TRIM42: variants seen among roughly 807,000 people sequenced by gnomAD.
TRIM42 encodes tripartite motif containing 42, also known as tripartite motif-containing protein 42.
TRIM42 carries 59 observed loss-of-function variants against 64.9 expected under a neutral mutation model. The ratio of observed to expected loss-of-function variants is 0.91; its 90% CI spans 0.74 to 1.13. The LOEUF (loss-of-function observed/expected upper bound fraction) is 1.13, where lower values mean the gene tolerates loss of function less well. TRIM42 is among the 50% of genes most tolerant of loss of function. TRIM42 has a pLI of 0.00. For synonymous variants in TRIM42, 354 were observed against 346.3 expected, an observed-to-expected ratio of 1.02 and a Z score of -0.25; for missense variants, 878 against 929.5, an observed-to-expected ratio of 0.94 and a Z score of 0.72.
In TRIM42 at chr3:140,688,175, G is replaced by A. The variant is rs747851912; in HGVS notation, c.1493G>A (p.Arg498His). 4.3e-5 allele frequency: 69 copies of A among 1,614,114 alleles called. No homozygotes were observed. The East Asian group carries it at 4.5e-4, about 10-fold the overall frequency. The change falls in exon 3 of 5, where the codon CGC (arginine) becomes CAC (histidine). Residue 498 changes from arginine to histidine, a missense_variant. Arg to His is a conservative substitution (Grantham distance 29, BLOSUM62 0). Transcript: ENST00000286349. The part of the protein sequence containing the change: ...ELFPTGPKKV[R>H]SSGDSLPSPY... ...TTCCCCACAGGGCCCAAGAAGGTAC[G>A]CTCCTCAGGGGACTCCCTGCCCTCC...
In TRIM42 at chr3:140,687,921, G is replaced by C; in HGVS notation, c.1239G>C (p.Val413=). Residue 413 remains valine (V), a synonymous_variant, in exon 3 of 5, where the codon GTG becomes GTC. Transcript: ENST00000286349. ...GGCAGAAGGAAATTGAAAAATATGT[G>C]TATGTTACAACCATGAAAGTGAACG... The part of the protein sequence containing the change: ...VSRQKEIEKY[V]YVTTMKVNEM... 6.2e-7 allele frequency: 1 copy of C among 1,614,182 alleles called. No homozygotes were observed. Among genetic ancestry groups the C allele is most frequent in the Non-Finnish European group, 8.5e-7 (1 of 1,180,032 alleles).
At chr3:140,693,212 C>T (rs1988766803) in intron 4 of TRIM42, among the ~76,000 whole-genome samples, 1 of 152,172 alleles carries the variant, frequency 6.6e-6, no homozygotes, top group South Asian at 2.1e-4. Flanking sequence ...CGTAAGATGC[C>T]TGAAAGCTGT....
At chr3:140,699,312 G>T (rs946565210) in intron 4 of TRIM42, among the ~76,000 whole-genome samples, 11 of 151,996 alleles carry the variant, frequency 7.2e-5, no homozygotes, top group African/African-American at 2.7e-4. Flanking sequence ...TTTTTATCTG[G>T]TTCTGGAATC....
rs1057159951 is a variant in TRIM42 at position 140,688,454 on chromosome 3, A to G, written c.1772A>G (p.His591Arg). The G allele has an allele frequency of 1.9e-6, 3 of 1,614,240 alleles. No individual in the cohort carries two copies. Among genetic ancestry groups the G allele is most frequent in the Non-Finnish European group, 2.5e-6 (3 of 1,180,040 alleles). Residue 591 changes from histidine to arginine, a missense_variant, in exon 3 of 5, where the codon CAC (histidine) becomes CGC (arginine). Transcript: ENST00000286349. ...TCTGTACAGAACAGCAGCAGCTTCC[A>G]CAACTGGTACTCATTCAACGATGGC... ...SQSVQNSSSF[H>R]NWYSFNDGSV...
rs370816772 is a variant in TRIM42, at chr3:140,679,237, T to C, written c.341+667T>C. Among the ~76,000 whole-genome samples, 159 of 152,290 alleles carry C rather than the reference T, an allele frequency of 1.0e-3. No individual in the cohort carries two copies. The South Asian group carries it at 0.031, about 29-fold the overall frequency. On this transcript the variant is annotated intron_variant, in intron 1 of 4. Transcript: ENST00000286349. ...GCGGACCATATAAATACCCCATACATCCATGAACTCCTACTACCTTCTTTT... is the reference window on the plus strand; with the variant it reads ...GCGGACCATATAAATACCCCATACACCCATGAACTCCTACTACCTTCTTTT...
rs1988694141 is a variant in TRIM42, at chr3:140,690,963, C to G, written c.1861-5C>G. The G allele has an allele frequency of 6.2e-7, 1 of 1,609,184 alleles. No homozygotes were observed. The highest frequency in any genetic ancestry group is 8.5e-7 in the Non-Finnish European group (1 of 1,175,622). ...ACCACACCAGTATGTTCATTTCTTCCATAGGTTTACTGGACATGTCCAGCA... is the reference window on the plus strand; with the variant it reads ...ACCACACCAGTATGTTCATTTCTTCGATAGGTTTACTGGACATGTCCAGCA... On this transcript the variant is annotated splice_polypyrimidine_tract_variant and splice_region_variant and intron_variant, in intron 3 of 4. Transcript: ENST00000286349.
At chr3:140,696,290 ACTTTGTTTCTTAC>A (rs534470111) in intron 4 of TRIM42, among the ~76,000 whole-genome samples, 87 of 152,074 alleles carry the variant, frequency 5.7e-4, no homozygotes, top group East Asian at 7.7e-4. Context: ...TACATATCTT[ACTTTGTTTCTTAC>A]CTTTTTTTCT....
intron 4 of TRIM42, among the ~76,000 whole-genome samples, chr3:140,695,160 C>A (rs914299551): frequency 5.9e-5 from 9 of 152,026 alleles, no homozygotes; most frequent in East Asian, 5.8e-4. Flanking sequence ...AGGCACGAGA[C>A]TCGCTTAAGT....
At chr3:140,684,078 C>G (rs1326715781) in intron 2 of TRIM42, among the ~76,000 whole-genome samples, 12 of 152,152 alleles carry the variant, frequency 7.9e-5, no homozygotes. Context: ...CCTTTACCCC[C>G]AGGAATAGTT....
intron 3 of TRIM42, among the ~76,000 whole-genome samples, chr3:140,690,526 T>G (rs1988676308): frequency 9.2e-6 from 1 of 108,728 alleles, no homozygotes; most frequent in Non-Finnish European, 1.7e-5. Flanking sequence ...AATCCAAGTT[T>G]TTATGTATAT....
chr3:140,680,774 G>A, intron 1 of TRIM42: 13 of 902,638 alleles, frequency 1.4e-5, no homozygotes, highest in Non-Finnish European at 1.7e-5. Context: ...AATTTTCCAG[G>A]TGCCTTAATA....
At chr3:140,681,088 T>C (rs1403695962) in intron 1 of TRIM42, among the ~76,000 whole-genome samples, 1 of 152,240 alleles carries the variant, frequency 6.6e-6, no homozygotes, top group African/African-American at 2.4e-5. Flanking sequence ...TTTAAGTTCT[T>C]AGAACAGGTA....
chr3:140,701,122 T>G lies in TRIM42; in HGVS notation c.*148T>G, dbSNP rs1276073831. ...CCTCTCAGCTTTCCAACAGGAATCTTGTAAGAGCTAATAAAAGGAAATACC... is the reference window on the plus strand; with the variant it reads ...CCTCTCAGCTTTCCAACAGGAATCTGGTAAGAGCTAATAAAAGGAAATACC... On this transcript the variant is annotated 3_prime_UTR_variant, in exon 5 of 5. Transcript: ENST00000286349. 6.4e-6 allele frequency: 4 copies of G among 625,128 alleles called. No homozygotes were observed. The highest frequency in any genetic ancestry group is 1.1e-5 in the Non-Finnish European group (4 of 371,140). 38.7% of individuals were successfully genotyped at this position (625,128 alleles called of 1,614,324 possible).
chr3:140,687,803 A>G lies in TRIM42; in HGVS notation c.1121A>G (p.Lys374Arg). The G allele has an allele frequency of 6.2e-7, 1 of 1,614,258 alleles. No individual in the cohort carries two copies. Among genetic ancestry groups the G allele is most frequent in the Non-Finnish European group, 8.5e-7 (1 of 1,180,048 alleles). The part of the protein sequence containing the change: ...SFKADKEAKR[K>R]EIRNGFLKLR... ...AAAGCTGACAAGGAGGCAAAGCGAA[A>G]AGAGATCAGAAATGGCTTTCTCAAG... Residue 374 changes from lysine to arginine, a missense_variant, in exon 3 of 5, where the codon AAA (lysine) becomes AGA (arginine). Transcript: ENST00000286349.
Position 140,687,882 on chromosome 3 carries a change from T to A in TRIM42, c.1200T>A (p.Asn400Lys). ...AGATCATCATGGAGCAGATAGAGAA[T>A]CTAGAAGTGTCCAGGCAGAAGGAAA... ...KEKIIMEQIE[N>K]LEVSRQKEIE... The change falls in exon 3 of 5, where the codon AAT becomes AAA. Residue 400 changes from asparagine (N) to lysine (K), a missense_variant. Asn to Lys is a moderately conservative substitution (Grantham distance 94, BLOSUM62 0). Coordinates refer to ENST00000286349, the MANE Select transcript of TRIM42 (RefSeq NM_152616.5). 6.2e-7 allele frequency: 1 copy of A among 1,614,192 alleles called. No individual in the cohort carries two copies. Among genetic ancestry groups the A allele is most frequent in the Non-Finnish European group, 8.5e-7 (1 of 1,180,026 alleles).
Position 140,690,989 on chromosome 3 carries a change from G to A in TRIM42, c.1882G>A (p.Glu628Lys). 7 of 1,613,848 alleles carry A rather than the reference G, an allele frequency of 4.3e-6. No individual in the cohort carries two copies. The highest frequency in any genetic ancestry group is 5.9e-6 in the Non-Finnish European group (7 of 1,179,796). The change falls in exon 4 of 5, where the codon GAA becomes AAA. Residue 628 changes from glutamate to lysine, a missense_variant. Physicochemically the swap from Glu to Lys is moderately conservative, Grantham distance 56 (BLOSUM62 1). Transcript: ENST00000286349. ...AAKVYWTCPA[E>K]DVDSFEMEFY... is the part of the protein sequence containing the mutation. ...ATAGGTTTACTGGACATGTCCAGCA[G>A]AAGACGTGGACTCTTTTGAGATGGA...
chr3:140,687,631 G>T, intron 2 of TRIM42, 91 bp from the exon 3 acceptor site: 1 of 938,768 alleles, frequency 1.1e-6, no homozygotes, highest in Non-Finnish European at 1.6e-6. Context: ...TCACCTCCTT[G>T]GAGCCTAGGG....
At chr3:140,697,814 G>A (rs981249397) in intron 4 of TRIM42, among the ~76,000 whole-genome samples, 2 of 152,190 alleles carry the variant, frequency 1.3e-5, no homozygotes, top group East Asian at 1.9e-4. Context: ...CTCCCTAGTA[G>A]CTGGGACTAC....
intron 4 of TRIM42, among the ~76,000 whole-genome samples, chr3:140,694,324 T>G (rs1988796238): frequency 6.6e-6 from 1 of 152,244 alleles, no homozygotes; most frequent in African/African-American, 2.4e-5. Context: ...TTACACACCC[T>G]TCTGTGCCCA....
Sources: gnomAD v4.1 joint callset for allele counts (sites outside exome capture counted in the v4.1 genomes callset) on GRCh38, gnomAD v4.1.1 for gene constraint, MANE v1.5 for transcripts, NCBI Gene and HGNC (gene_info 2026-07-23, HGNC 2026-07-21) for gene names.